Variants in GGNBP2 observed in about 807,000 individuals in gnomAD.
The protein encoded by GGNBP2 is gametogenetin binding protein 2.
In GGNBP2, 10 loss-of-function variants were observed where a neutral mutation model predicts 85.9. That is an observed-to-expected ratio of 0.12 (90% CI 0.07 to 0.20). The LOEUF (loss-of-function observed/expected upper bound fraction) is 0.20. Among genes scored for constraint, GGNBP2 ranks in the 10% least tolerant of loss-of-function variants. GGNBP2 has a pLI of 1.00. For missense variants in GGNBP2, 595 were observed against 857.8 expected, an observed-to-expected ratio of 0.69 and a Z score of 3.83; for synonymous variants, 287 against 285.7, an observed-to-expected ratio of 1.00 and a Z score of -0.05.
chr17:36,570,580 A>G (rs1361713451), intron 6 of GGNBP2, among the ~76,000 whole-genome samples: 1 of 152,132 alleles, frequency 6.6e-6, no homozygotes, highest in Non-Finnish European at 1.5e-5. Context: ...GGTGCCTATA[A>G]TCCCAACTAC....
Position 36,587,059 on chromosome 17 carries a change from G to T in GGNBP2, c.1704G>T (p.Met568Ile), listed in dbSNP as rs1323314125. ...ATCGAGAGACCTCAGGAAATACCAT[G>T]CACACAGTGTTTCACCGTGACAAGA... ...PGNRETSGNT[M>I]HTVFHRDKTK... The change falls in exon 13 of 14, where the codon ATG becomes ATT. Residue 568 changes from methionine (M) to isoleucine (I), a missense_variant. Around this residue, in one of 9 missense-constraint regions of GGNBP2, gnomAD observed 120 missense variants for 126.3 expected, o/e 0.95. Transcript: ENST00000613102. 2 of 1,613,418 alleles carry T rather than the reference G, an allele frequency of 1.2e-6. No homozygotes were observed. Among genetic ancestry groups the T allele is most frequent in the African/African-American group, 2.7e-5 (2 of 74,828 alleles).
intron 6 of GGNBP2, among the ~76,000 whole-genome samples, chr17:36,572,377 C>T (rs967647022): frequency 2.6e-5 from 4 of 152,014 alleles, no homozygotes; most frequent in Non-Finnish European, 4.4e-5. Context: ...TCTGTTCCTG[C>T]GCGCGTATGT....
chr17:36,560,754 A>T lies in GGNBP2; in HGVS notation c.429-19A>T. ...AAGTAAAATGAATTAAACCCTTAAT[A>T]TGTTTTATTTTTAATTAGGTCCAAA... On this transcript the variant is annotated intron_variant, in intron 4 of 13. Transcript: ENST00000613102. 8.0e-7 allele frequency: 1 copy of T among 1,253,962 alleles called. No individual in the cohort carries two copies. The highest frequency in any genetic ancestry group is 1.1e-6 in the Non-Finnish European group (1 of 877,160). 77.7% of individuals were successfully genotyped at this position (1,253,962 alleles called of 1,614,324 possible).
intron 5 of GGNBP2, 132 bp downstream of exon 5, chr17:36,561,003 T>G (rs1300978076): frequency 4.1e-6 from 2 of 489,272 alleles, no homozygotes; most frequent in East Asian, 3.4e-5. Context: ...TAGGTCAAAA[T>G]AAATAGATCC....
intron 9 of GGNBP2, among the ~76,000 whole-genome samples, chr17:36,583,522 A>T (rs2074671892): frequency 6.6e-6 from 1 of 151,404 alleles, no homozygotes; most frequent in Admixed American, 6.6e-5. Context: ...GCAGTGGCAC[A>T]ATCTTGGTTC....
Position 36,589,786 on chromosome 17 carries a change from T to TA in GGNBP2, c.*377dup, listed in dbSNP as rs1231269004. The TA allele has an allele frequency of 4.8e-6, 1 of 206,890 alleles. No individual in the cohort carries two copies. The highest frequency in any genetic ancestry group is 2.3e-5 in the African/African-American group (1 of 43,210). 12.8% of individuals were successfully genotyped at this position (206,890 alleles called of 1,614,324 possible). A position where few individuals can be genotyped will look rare whatever the true frequency, so the allele number is the denominator to read the frequency against. On this transcript the variant is annotated 3_prime_UTR_variant, in exon 14 of 14. Coordinates refer to ENST00000613102, the MANE Select transcript of GGNBP2 (RefSeq NM_024835.5). ...CATCCACTTGCAAAATGTTTGGATGTAATGTTAAAGCGCAATGTGCAAAAT... is the reference window on the plus strand; with the variant it reads ...CATCCACTTGCAAAATGTTTGGATGTAAATGTTAAAGCGCAATGTGCAAAAT...
chr17:36,555,025 T>A (rs1326509167), intron 3 of GGNBP2, 125 bp downstream of exon 3: 1 of 605,174 alleles, frequency 1.7e-6, no homozygotes, highest in East Asian at 2.8e-5. Flanking sequence ...AATTGCTCTT[T>A]CACCATTGCT....
intron 5 of GGNBP2, among the ~76,000 whole-genome samples, chr17:36,562,331 T>C (rs2074425366): frequency 6.6e-6 from 1 of 151,944 alleles, no homozygotes; most frequent in African/African-American, 2.4e-5. Context: ...CACTCCTGGC[T>C]AATTTTTTTG....
rs2074236101 is a variant in GGNBP2, at chr17:36,545,117, CT to C, written c.-107+21del. 2.0e-5 allele frequency: 3 copies of C among 153,044 alleles called. No homozygotes were observed. The Admixed American group carries it at 2.0e-4, about 10-fold the overall frequency. 9.5% of individuals were successfully genotyped at this position (153,044 alleles called of 1,614,324 possible). Reference sequence around the variant, plus strand: ...AGAAGGGTGAGGAAAGGGTCTGAGCCTCCCCGTTCCCTGGACTCCGCAGAGC... The same window carrying C: ...AGAAGGGTGAGGAAAGGGTCTGAGCCCCCCGTTCCCTGGACTCCGCAGAGC... On this transcript the variant is annotated intron_variant, in intron 1 of 13. Coordinates refer to ENST00000613102, the MANE Select transcript of GGNBP2 (RefSeq NM_024835.5).
chr17:36,578,231 T>C (rs1599542514), intron 7 of GGNBP2, 45 bp downstream of exon 7: 1 of 1,401,896 alleles, frequency 7.1e-7, no homozygotes, highest in Non-Finnish European at 9.9e-7. Flanking sequence ...AGCGCTTTGC[T>C]TCATTTTATT....
intron 13 of GGNBP2, 33 bp downstream of exon 13, chr17:36,587,278 C>G (rs1486151854): frequency 1.2e-6 from 2 of 1,607,900 alleles, no homozygotes; most frequent in East Asian, 2.2e-5. Context: ...CTGTACATAA[C>G]TGTTTGGGAA....
intron 6 of GGNBP2, chr17:36,574,407 C>CTTT: frequency 6.6e-6 from 1 of 152,284 alleles, no homozygotes; most frequent in Non-Finnish European, 1.4e-5. Context: ...CGACTGTAGT[C>CTTT]TTTTTTTTTT....
Position 36,587,044 on chromosome 17 carries a change from C to T in GGNBP2, c.1689C>T (p.Thr563=). Residue 563 remains threonine (T), a synonymous_variant, in exon 13 of 14, where the codon ACC becomes ACT. Coordinates refer to ENST00000613102, the MANE Select transcript of GGNBP2 (RefSeq NM_024835.5). ...TTACAGATCCAGGTAATCGAGAGAC[C>T]TCAGGAAATACCATGCACACAGTGT... is the stretch of plus-strand genomic sequence containing the variant. ...SCITDPGNRE[T]SGNTMHTVFH... 1.2e-6 allele frequency: 2 copies of T among 1,613,632 alleles called. No individual in the cohort carries two copies. Among genetic ancestry groups the T allele is most frequent in the African/African-American group, 2.7e-5 (2 of 74,912 alleles).
chr17:36,583,214 C>T (rs1304136061), intron 9 of GGNBP2, among the ~76,000 whole-genome samples: 6 of 151,892 alleles, frequency 4.0e-5, no homozygotes, highest in African/African-American at 1.5e-4. Flanking sequence ...CCACCATGCC[C>T]GGCTAATTTT....
At chr17:36,580,076 C>T (rs2074631616) in intron 8 of GGNBP2, among the ~76,000 whole-genome samples, 1 of 152,018 alleles carries the variant, frequency 6.6e-6, no homozygotes, top group Admixed American at 6.6e-5. Context: ...GTTAAATGCC[C>T]CCAAGGATTA....
intron 1 of GGNBP2, among the ~76,000 whole-genome samples, 166 bp downstream of exon 1, chr17:36,545,263 C>T (rs2074237794): frequency 6.6e-6 from 1 of 152,112 alleles, no homozygotes; most frequent in South Asian, 2.1e-4. Flanking sequence ...CAGAGGGCAC[C>T]CGGGCGGCGG....
In GGNBP2 at chr17:36,581,556, C is replaced by G; in HGVS notation, c.1215+18C>G. ...AAGAGAAGGTAATATTTCTTAATAT[C>G]AACTCTTAAGTGTGTATGTATTGCT... On this transcript the variant is annotated intron_variant, in intron 9 of 13. Coordinates refer to ENST00000613102, the MANE Select transcript of GGNBP2 (RefSeq NM_024835.5). The G allele has an allele frequency of 1.3e-6, 2 of 1,568,448 alleles. No individual in the cohort carries two copies. Among genetic ancestry groups the G allele is most frequent in the Non-Finnish European group, 1.7e-6 (2 of 1,143,438 alleles).
chr17:36,579,673 C>CA (rs1188394309), intron 8 of GGNBP2, among the ~76,000 whole-genome samples: 1 of 152,148 alleles, frequency 6.6e-6, no homozygotes, highest in Non-Finnish European at 1.5e-5. Flanking sequence ...TAGACTTTCT[C>CA]AGAGTAGAAA....
At chr17:36,549,558 C>T (rs969149240) in intron 2 of GGNBP2, among the ~76,000 whole-genome samples, 8 of 152,290 alleles carry the variant, frequency 5.3e-5, no homozygotes, top group Middle Eastern at 3.4e-3. Flanking sequence ...ACAAATTACC[C>T]TTAGTCATGC....
Sources: allele counts gnomAD v4.1 joint callset (sites outside exome capture counted in the v4.1 genomes callset), GRCh38; gene constraint gnomAD v4.1.1; regional missense constraint gnomAD v4.1.1; transcripts MANE v1.5; gene names NCBI Gene and HGNC (gene_info 2026-07-23, HGNC 2026-07-21).